Variants in RARB observed in about 807,000 individuals in gnomAD.
RARB encodes the protein HBV-activated protein.
RARB carries 17 observed loss-of-function variants against 51.9 expected under a neutral mutation model. That is an observed-to-expected ratio of 0.33 (90% confidence interval 0.22 to 0.49). The LOEUF is 0.49. RARB is among the 20% of genes least tolerant of loss of function. The probability of loss-of-function intolerance (pLI) is 0.99; values close to 1 mark genes in which losing one functional copy is unlikely to be tolerated. For missense variants in RARB, 369 were observed against 550.8 expected (o/e 0.67, Z 3.30); for synonymous variants, 215 against 195.4 (o/e 1.10, Z -0.84).
intron 5 of RARB, among the ~76,000 whole-genome samples, chr3:25,333,730 G>A (rs1162369176): frequency 6.6e-6 from 1 of 152,158 alleles, no homozygotes; most frequent in African/African-American, 2.4e-5. Context: ...TACCATCAGA[G>A]TGAACAGGCA....
chr3:25,010,242 G>A (rs1268204554), intron 2 of RARB, among the ~76,000 whole-genome samples: 1 of 151,964 alleles, frequency 6.6e-6, no homozygotes, highest in Non-Finnish European at 1.5e-5. Flanking sequence ...TTCCTACAGT[G>A]AGTCCATACC....
intron 5 of RARB, among the ~76,000 whole-genome samples, chr3:25,338,960 T>A (rs536290778): frequency 9.4e-4 from 143 of 152,228 alleles, no homozygotes; most frequent in African/African-American, 3.3e-3. Context: ...CCATTCTGAG[T>A]AGTAGTGCTC....
intron 2 of RARB, among the ~76,000 whole-genome samples, chr3:25,058,539 C>G (rs1698485577): frequency 6.7e-6 from 1 of 149,738 alleles, no homozygotes; most frequent in Admixed American, 6.6e-5. Context: ...ATCTCCAAAA[C>G]CAAGTAAAAA....
At chr3:24,869,946 A>T (rs779202928) in intron 2 of RARB, among the ~76,000 whole-genome samples, 13 of 152,078 alleles carry the variant, frequency 8.5e-5, no homozygotes, top group Non-Finnish European at 1.6e-4. Context: ...CGTACTTAGT[A>T]TGGAAAATCT....
intron 5 of RARB, among the ~76,000 whole-genome samples, chr3:25,408,862 AGT>A (rs1707485230): frequency 6.6e-6 from 1 of 152,042 alleles, no homozygotes; most frequent in African/African-American, 2.4e-5. Context: ...AGTGAAATGC[AGT>A]CTCTACTAAA....
chr3:25,593,721 A>G lies in RARB; in HGVS notation c.991+14A>G. 6.2e-7 allele frequency: 1 copy of G among 1,607,288 alleles called. No homozygotes were observed. The highest frequency in any genetic ancestry group is 8.5e-7 in the Non-Finnish European group (1 of 1,174,320). ...TAATCTGTGGAGGTACCAACTATGT[A>G]GAAAAGCCTCATGAAATTCCATGAA... On this transcript the variant is annotated intron_variant, in intron 6 of 7. Transcript: ENST00000330688.
chr3:24,899,013 G>T (rs1222901408), intron 2 of RARB, among the ~76,000 whole-genome samples: 1 of 152,204 alleles, frequency 6.6e-6, no homozygotes, highest in African/African-American at 2.4e-5. Flanking sequence ...ACTCAAGGTT[G>T]TCAAAGTGTG....
intron 2 of RARB, among the ~76,000 whole-genome samples, chr3:25,047,616 C>G (rs1220523133): frequency 2.0e-5 from 3 of 152,222 alleles, no homozygotes; most frequent in African/African-American, 4.8e-5. Flanking sequence ...TCACCACTAT[C>G]TATTTAGCCT....
intron 2 of RARB, among the ~76,000 whole-genome samples, chr3:25,059,674 A>T (rs1698509098): frequency 6.6e-6 from 1 of 151,792 alleles, no homozygotes; most frequent in Non-Finnish European, 1.5e-5. Context: ...GTTCAAGGTG[A>T]TGCTGTTTAC....
At chr3:25,316,290 T>C (rs1478684645) in intron 5 of RARB, among the ~76,000 whole-genome samples, 3 of 152,004 alleles carry the variant, frequency 2.0e-5, no homozygotes, top group African/African-American at 7.3e-5. Flanking sequence ...ATGCCAAAGG[T>C]GACATATAGT....
intron 2 of RARB, among the ~76,000 whole-genome samples, chr3:25,496,583 C>T (rs763677250): frequency 1.3e-5 from 2 of 152,214 alleles, no homozygotes; most frequent in Non-Finnish European, 2.9e-5. Context: ...CCACCAGCCA[C>T]AGGTTGGCAT....
Position 25,580,635 on chromosome 3 carries a change from G to C in RARB, c.699G>C (p.Val233=), listed in dbSNP as rs753717038. 1 of 1,613,210 alleles carries C rather than the reference G, an allele frequency of 6.2e-7. No homozygotes were observed. Among genetic ancestry groups the C allele is most frequent in the South Asian group, 1.1e-5 (1 of 90,970 alleles). ...ELATKCIIKI[V]EFAKRLPGFT... ...CCACCAAGTGCATTATTAAGATCGT[G>C]GAGTTTGCTAAACGTCTGCCTGGTT... is the stretch of plus-strand genomic sequence containing the variant. Residue 233 remains valine, a synonymous_variant, in exon 5 of 8, where the codon GTG becomes GTC. Transcript: ENST00000330688.
chr3:25,107,214 C>T (rs1699523831), intron 3 of RARB, among the ~76,000 whole-genome samples: 2 of 152,072 alleles, frequency 1.3e-5, no homozygotes, highest in Admixed American at 1.3e-4. Context: ...TCTGCCTTTT[C>T]CTTTGCCATC....
chr3:24,831,302 A>T (rs1702277947), intron 1 of RARB, among the ~76,000 whole-genome samples: 1 of 152,254 alleles, frequency 6.6e-6, no homozygotes, highest in African/African-American at 2.4e-5. Context: ...TAATGAACAC[A>T]TAACAATTGA....
chr3:25,495,933 A>G (rs1023111012), intron 2 of RARB, among the ~76,000 whole-genome samples: 1 of 152,222 alleles, frequency 6.6e-6, no homozygotes, highest in Non-Finnish European at 1.5e-5. Context: ...GCTATGATGT[A>G]TAACAAAAGA....
chr3:25,338,459 C>T (rs760557913), intron 5 of RARB, among the ~76,000 whole-genome samples: 3 of 152,070 alleles, frequency 2.0e-5, no homozygotes, highest in East Asian at 1.9e-4. Flanking sequence ...TGTAGATAGG[C>T]GGCTGGAGAG....
intron 5 of RARB, among the ~76,000 whole-genome samples, chr3:25,351,873 T>C (rs1705581411): frequency 6.6e-6 from 1 of 152,146 alleles, no homozygotes; most frequent in African/African-American, 2.4e-5. Flanking sequence ...CTAATGTGAG[T>C]GTTTCTGATT....
At chr3:25,332,194 A>T (rs982597277) in intron 5 of RARB, among the ~76,000 whole-genome samples, 4 of 152,222 alleles carry the variant, frequency 2.6e-5, no homozygotes, top group Non-Finnish European at 5.9e-5. Context: ...CATCATCCTG[A>T]TACCAAAGCA....
At chr3:25,189,684 C>A (rs549583822) in intron 5 of RARB, among the ~76,000 whole-genome samples, 3 of 152,170 alleles carry the variant, frequency 2.0e-5, no homozygotes, top group East Asian at 1.9e-4. Flanking sequence ...GTCAGGAGTT[C>A]AAGACCAGCC....
Sources: allele counts gnomAD v4.1 joint callset (sites outside exome capture counted in the v4.1 genomes callset), GRCh38; gene constraint gnomAD v4.1.1; transcripts MANE v1.5; gene names NCBI Gene and HGNC (gene_info 2026-07-23, HGNC 2026-07-21).